The following SEMA5A variants were observed in gnomAD, a reference collection of about 807,000 sequenced individuals.
The protein encoded by SEMA5A is semaphorin 5A.
Under a neutral mutation model 135.5 loss-of-function variants are expected in SEMA5A, and 55 were observed. The observed-to-expected ratio is 0.41, with a 90% confidence interval of 0.33 to 0.51. SEMA5A has a LOEUF of 0.51. Ranked by LOEUF, SEMA5A falls within the 20% of genes least tolerant of loss-of-function variation. SEMA5A has a pLI of 0.37. For missense variants in SEMA5A, 1,290 were observed against 1,419.9 expected (o/e 0.91, Z 1.47); for synonymous variants, 580 against 546.5 (o/e 1.06, Z -0.85).
chr5:9,232,163 GTT>G (rs958115445), intron 6 of SEMA5A, among the ~76,000 whole-genome samples: 1 of 152,116 alleles, frequency 6.6e-6, no homozygotes, highest in Non-Finnish European at 1.5e-5. Flanking sequence ...GAATTAATTG[GTT>G]TTGTCATATA....
At chr5:9,123,756 A>C (rs1319120820) in intron 13 of SEMA5A, among the ~76,000 whole-genome samples, 1 of 152,230 alleles carries the variant, frequency 6.6e-6, no homozygotes, top group Admixed American at 6.5e-5. Context: ...AAGCAGCTGC[A>C]GCGCTTCTCT....
In SEMA5A at chr5:9,273,569, A is replaced by C. The variant is rs116241323; in HGVS notation, c.271-35679T>G. Reference sequence around the variant, plus strand: ...CACCAAGGTCAAAATGAAGGAAAAAATATTAAAGGCAGCCAAGAGAGAAAG... The same window carrying C: ...CACCAAGGTCAAAATGAAGGAAAAACTATTAAAGGCAGCCAAGAGAGAAAG... On this transcript the variant is annotated intron_variant, in intron 5 of 22. Coordinates refer to ENST00000382496, the MANE Select transcript of SEMA5A (RefSeq NM_003966.3). Among the ~76,000 whole-genome samples the C allele has an allele frequency of 9.1e-3, 1,385 of 152,234 alleles. 16 individuals are homozygous for C. Among genetic ancestry groups the C allele is most frequent in the Middle Eastern group, 0.014 (4 of 294 alleles).
intron 1 of SEMA5A, among the ~76,000 whole-genome samples, chr5:9,450,017 C>T (rs2126701795): frequency 6.6e-6 from 1 of 152,238 alleles, no homozygotes; most frequent in Non-Finnish European, 1.5e-5. Flanking sequence ...AATGGCTGTC[C>T]ATCCTGTTCA....
intron 5 of SEMA5A, among the ~76,000 whole-genome samples, chr5:9,249,163 T>C (rs939822223): frequency 3.3e-5 from 5 of 152,216 alleles, no homozygotes; most frequent in Non-Finnish European, 7.3e-5. Flanking sequence ...GCTGATTATT[T>C]TGAGAAAGCC....
intron 12 of SEMA5A, among the ~76,000 whole-genome samples, chr5:9,140,372 C>G (rs1741998514): frequency 6.6e-6 from 1 of 152,144 alleles, no homozygotes; most frequent in Admixed American, 6.5e-5. Flanking sequence ...ATGACTAAGA[C>G]CATGAAAAGT....
At chr5:9,517,228 G>A (rs578007395) in intron 1 of SEMA5A, 2 of 152,288 alleles carry the variant, frequency 1.3e-5, no homozygotes, top group South Asian at 2.1e-4. Context: ...TGAAGCCTAT[G>A]GGGAATGCCA....
At chr5:9,057,136 G>T (rs1445527838) in intron 18 of SEMA5A, among the ~76,000 whole-genome samples, 1 of 152,118 alleles carries the variant, frequency 6.6e-6, no homozygotes, top group East Asian at 1.9e-4. Context: ...GAGGGAAGTG[G>T]GGAATTGCTG....
At chr5:9,535,601 G>A (rs746952550) in intron 1 of SEMA5A, among the ~76,000 whole-genome samples, 7 of 151,810 alleles carry the variant, frequency 4.6e-5, no homozygotes, top group Admixed American at 2.0e-4. Flanking sequence ...GGAGTGGATC[G>A]GCAGAGTGGG....
intron 3 of SEMA5A, among the ~76,000 whole-genome samples, chr5:9,366,578 C>T (rs577432227): frequency 1.1e-4 from 17 of 152,176 alleles, no homozygotes; most frequent in Admixed American, 4.6e-4. Flanking sequence ...TTAGTAAAGA[C>T]GGGGTTTCAC....
chr5:9,203,388 A>T (rs1745828868), intron 8 of SEMA5A, among the ~76,000 whole-genome samples: 1 of 152,236 alleles, frequency 6.6e-6, no homozygotes, highest in African/African-American at 2.4e-5. Context: ...ACCTTTCCAG[A>T]TACAATTGCA....
At chr5:9,259,233 C>T (rs1030464377) in intron 5 of SEMA5A, among the ~76,000 whole-genome samples, 1 of 152,186 alleles carries the variant, frequency 6.6e-6, no homozygotes, top group Non-Finnish European at 1.5e-5. Context: ...TGCTTCTGGG[C>T]AAAATTTGCT....
At chr5:9,476,488 A>T (rs890159165) in intron 1 of SEMA5A, among the ~76,000 whole-genome samples, 1 of 152,158 alleles carries the variant, frequency 6.6e-6, no homozygotes, top group Admixed American at 6.5e-5. Flanking sequence ...TAAAAGCTAA[A>T]GGAGACTGAT....
intron 8 of SEMA5A, among the ~76,000 whole-genome samples, chr5:9,217,406 T>C (rs990264946): frequency 6.6e-6 from 1 of 152,184 alleles, no homozygotes; most frequent in African/African-American, 2.4e-5. Flanking sequence ...GTCTTTTCTC[T>C]CTAGCTGCCA....
Position 9,518,287 on chromosome 5 carries a change from A to AATTT in SEMA5A, c.-175+27296_-175+27297insAAAT, listed in dbSNP as rs1736636036. On this transcript the variant is annotated intron_variant, in intron 1 of 22. Coordinates refer to ENST00000382496, the MANE Select transcript of SEMA5A (RefSeq NM_003966.3). ...ACAATTTTATGTGTCCTGATGATAAAATGGGCCCTTAGCTGAGCCAGCTAA... is the reference window on the plus strand; with the variant it reads ...ACAATTTTATGTGTCCTGATGATAAAATTTATGGGCCCTTAGCTGAGCCAGCTAA... Among the ~76,000 whole-genome samples, 3 of 152,332 alleles carry AATTT rather than the reference A, an allele frequency of 2.0e-5. No individual in the cohort carries two copies. In the South Asian group the frequency reaches 6.2e-4, roughly 32 times the overall value.
chr5:9,329,972 T>A (rs915298676), intron 4 of SEMA5A, among the ~76,000 whole-genome samples: 1 of 152,248 alleles, frequency 6.6e-6, no homozygotes, highest in African/African-American at 2.4e-5. Flanking sequence ...GTATCATTTT[T>A]ATTGTTGTAT....
chr5:9,491,260 G>T (rs997641547), intron 1 of SEMA5A, among the ~76,000 whole-genome samples: 1 of 152,166 alleles, frequency 6.6e-6, no homozygotes, highest in Non-Finnish European at 1.5e-5. Context: ...GGATGAACAG[G>T]AGAGCACAGG....
rs776293877 is a variant in SEMA5A, at chr5:9,337,820, G to GA, written c.125-9dup. The GA allele has an allele frequency of 1.9e-6, 3 of 1,561,232 alleles. No homozygotes were observed. Among genetic ancestry groups the GA allele is most frequent in the South Asian group, 1.2e-5 (1 of 85,350 alleles). The stretch of plus-strand genomic sequence containing the variant: ...GTAACCAGGGGCCAATTTCTAAATA[G>GA]AAAAAATAAATAAATAAAAAGATAA... On this transcript the variant is annotated splice_polypyrimidine_tract_variant and intron_variant, in intron 3 of 22. Coordinates refer to ENST00000382496, the MANE Select transcript of SEMA5A (RefSeq NM_003966.3).
chr5:9,102,473 C>T (rs1335794066), intron 16 of SEMA5A, among the ~76,000 whole-genome samples: 1 of 151,998 alleles, frequency 6.6e-6, no homozygotes, highest in African/African-American at 2.4e-5. Context: ...TAAAATTGTC[C>T]CAGAAATCAA....
In SEMA5A at chr5:9,044,545, C is replaced by T. The variant is rs1736142124; in HGVS notation, c.2933G>A (p.Ser978Asn). Residue 978 changes from serine to asparagine, a missense_variant, in exon 22 of 23, where the codon AGC becomes AAC. Ser to Asn is a conservative substitution (Grantham distance 46). Transcript: ENST00000382496. Reference protein sequence around the residue: ...MFHMIAVGLSSSILGCLLTLL... With the variant: ...MFHMIAVGLSNSILGCLLTLL... The stretch of plus-strand genomic sequence containing the variant: ...GGTGAGGAGGCAGCCGAGGATGGAG[C>T]TGCTCAGCCCCACGGCGATCATGTG... 1 of 1,614,002 alleles carries T rather than the reference C, an allele frequency of 6.2e-7. No individual in the cohort carries two copies. Among genetic ancestry groups the T allele is most frequent in the Non-Finnish European group, 8.5e-7 (1 of 1,180,018 alleles).
Sources: allele counts gnomAD v4.1 joint callset (sites outside exome capture counted in the v4.1 genomes callset), GRCh38; gene constraint gnomAD v4.1.1; transcripts MANE v1.5; gene names NCBI Gene and HGNC (gene_info 2026-07-23, HGNC 2026-07-21).